Variants in TAOK3 observed in about 807,000 individuals in gnomAD.
The protein encoded by TAOK3 is TAO kinase 3.
A neutral mutation model predicts 120.4 loss-of-function variants in TAOK3; 40 were observed. That is an observed-to-expected ratio of 0.33 (90% CI 0.26 to 0.43). The LOEUF is 0.43. Among genes scored for constraint, TAOK3 ranks in the 20% least tolerant of loss-of-function variants. TAOK3 has a pLI of 1.00. For missense variants in TAOK3, 821 were observed against 1,112.1 expected, an observed-to-expected ratio of 0.74 and a Z score of 3.72; for synonymous variants, 355 against 387.5, an observed-to-expected ratio of 0.92 and a Z score of 0.99.
rs116122428 is a variant in TAOK3, at chr12:118,292,855, G to A, written c.-193-26096C>T. Reference sequence around the variant, plus strand: ...AGGAGTGTACCAATTCAAGACAAGGGAAGCCTAAGTATTTATTCCAAAATC... The same window carrying A: ...AGGAGTGTACCAATTCAAGACAAGGAAAGCCTAAGTATTTATTCCAAAATC... On this transcript the variant is annotated intron_variant, in intron 1 of 20. Coordinates refer to ENST00000392533, the MANE Select transcript of TAOK3 (RefSeq NM_016281.4). 6.8e-3 allele frequency among the ~76,000 whole-genome samples: 1,041 copies of A among 152,326 alleles called. 15 individuals carry two copies. Among genetic ancestry groups the A allele is most frequent in the African/African-American group, 0.024 (989 of 41,562 alleles).
intron 14 of TAOK3, among the ~76,000 whole-genome samples, chr12:118,182,623 A>ATATATATATATATATATATTTT (rs371125415): frequency 1.1e-5 from 1 of 92,416 alleles, no homozygotes; most frequent in Non-Finnish European, 2.0e-5. Flanking sequence ...ATATATATAT[A>ATATATATATATATATATATTTT]TTTTTTTTTT....
intron 3 of TAOK3, among the ~76,000 whole-genome samples, chr12:118,247,581 C>G (rs149048742): frequency 0.054 from 8,209 of 152,128 alleles, 456 homozygotes; most frequent in East Asian, 0.25. Context: ...GTGGTACAAT[C>G]TCAGCTCACT....
chr12:118,276,632 G>A (rs941367663), intron 1 of TAOK3, among the ~76,000 whole-genome samples: 1 of 152,164 alleles, frequency 6.6e-6, no homozygotes, highest in East Asian at 1.9e-4. Flanking sequence ...AACTGGGGGG[G>A]CGGAGCTTGC....
intron 1 of TAOK3, among the ~76,000 whole-genome samples, chr12:118,337,076 A>C (rs1187599158): frequency 6.6e-6 from 1 of 152,224 alleles, no homozygotes. Context: ...TAAAGAAAAA[A>C]GAAAATGGGC....
Position 118,177,226 on chromosome 12 carries a change from T to C in TAOK3, c.1670A>G (p.Lys557Arg). ...CTCTTTTATTTTTTCCTTACAAATC[T>C]TATACTGCTTCTTCTGACTTTCTAA... ...TFLESQKKQY[K>R]ICKEKIKEEM... The change falls in exon 16 of 21, where the codon AAG (lysine) becomes AGG (arginine). Residue 557 changes from lysine (K) to arginine (R), a missense_variant. By Grantham distance (26) the Lys-to-Arg change is conservative. Around this residue, in one of 2 missense-constraint regions of TAOK3, gnomAD observed 354 missense variants for 572.1 expected, o/e 0.62. Transcript: ENST00000392533. 6.2e-7 allele frequency: 1 copy of C among 1,613,898 alleles called. No individual in the cohort carries two copies. Among genetic ancestry groups the C allele is most frequent in the Non-Finnish European group, 8.5e-7 (1 of 1,179,870 alleles).
intron 12 of TAOK3, 109 bp downstream of exon 12, chr12:118,201,187 G>A: frequency 9.7e-7 from 1 of 1,026,984 alleles, no homozygotes; most frequent in Non-Finnish European, 1.4e-6. Flanking sequence ...TCTTAAGGCG[G>A]ACAGCATCAA....
chr12:118,339,961 T>C (rs2044546360), intron 1 of TAOK3, among the ~76,000 whole-genome samples: 1 of 152,210 alleles, frequency 6.6e-6, no homozygotes, highest in African/African-American at 2.4e-5. Flanking sequence ...TTGCATGTTG[T>C]CAAATTATTA....
chr12:118,197,808 C>T (rs2037807926), intron 13 of TAOK3, among the ~76,000 whole-genome samples: 1 of 151,666 alleles, frequency 6.6e-6, no homozygotes, highest in African/African-American at 2.4e-5. Context: ...CTGCCTCAGC[C>T]TCCCGAGTAG....
intron 16 of TAOK3, among the ~76,000 whole-genome samples, chr12:118,173,036 G>A (rs895285481): frequency 3.3e-5 from 5 of 152,182 alleles, no homozygotes; most frequent in South Asian, 2.1e-4. Flanking sequence ...TTAAAGAACC[G>A]CAGAAATGAA....
intron 9 of TAOK3, among the ~76,000 whole-genome samples, chr12:118,216,936 A>G (rs1438096888): frequency 3.4e-4 from 52 of 151,586 alleles, no homozygotes; most frequent in Admixed American, 3.2e-3. Flanking sequence ...CTCAAAAAAA[A>G]AAAAAAAAAA....
chr12:118,153,025 G>C (rs888536321), intron 19 of TAOK3, among the ~76,000 whole-genome samples: 4 of 152,134 alleles, frequency 2.6e-5, no homozygotes, highest in Non-Finnish European at 5.9e-5. Flanking sequence ...ATATACCACA[G>C]TACTGTTATG....
In TAOK3 at chr12:118,325,768, C is replaced by T. The variant is rs1471699623; in HGVS notation, c.-194+46880G>A. 2.6e-5 allele frequency among the ~76,000 whole-genome samples: 4 copies of T among 152,236 alleles called. No individual in the cohort carries two copies. In the East Asian group the frequency reaches 5.8e-4, roughly 22 times the overall value. ...GATCTCGGCTCACTGCAACGTCTGC[C>T]TCCCAGGTTCAAGCAATTCTCCTGC... On this transcript the variant is annotated intron_variant, in intron 1 of 20. Transcript: ENST00000392533.
At chr12:118,297,638 T>C (rs1443075071) in intron 1 of TAOK3, among the ~76,000 whole-genome samples, 1 of 152,228 alleles carries the variant, frequency 6.6e-6, no homozygotes. Context: ...CTCTCCTGTC[T>C]GTCCTATTCA....
At chr12:118,189,721 G>T in intron 14 of TAOK3, 86 bp downstream of exon 14, 1 of 1,506,870 alleles carries the variant, frequency 6.6e-7, no homozygotes, top group Non-Finnish European at 9.2e-7. Flanking sequence ...CATCCATGAA[G>T]CCGAGACAGG....
intron 9 of TAOK3, among the ~76,000 whole-genome samples, chr12:118,222,404 G>A (rs1358184377): frequency 1.3e-5 from 2 of 151,982 alleles, no homozygotes; most frequent in South Asian, 2.1e-4. Context: ...GTGGTGGCAC[G>A]TGCCTGTAGT....
chr12:118,356,763 C>G lies in TAOK3; in HGVS notation c.-194+15885G>C, dbSNP rs183343554. ...CTCCCTCTTTACAAAAAAAAAGAAA[C>G]TTTAAAAAATTAGCCAGGCATGGTG... On this transcript the variant is annotated intron_variant, in intron 1 of 20. Coordinates refer to ENST00000392533, the MANE Select transcript of TAOK3 (RefSeq NM_016281.4). Among the ~76,000 whole-genome samples, 4 of 150,156 alleles carry G rather than the reference C, an allele frequency of 2.7e-5. No individual in the cohort carries two copies. The East Asian group carries it at 5.9e-4, about 22-fold the overall frequency.
At chr12:118,297,713 G>C (rs1019611025) in intron 1 of TAOK3, among the ~76,000 whole-genome samples, 4 of 152,086 alleles carry the variant, frequency 2.6e-5, no homozygotes, top group African/African-American at 9.7e-5. Context: ...AAGAATAAAA[G>C]GAGATATCCA....
In TAOK3 at chr12:118,215,254, G is replaced by A. The variant is rs539206713; in HGVS notation, c.644-1144C>T. Among the ~76,000 whole-genome samples, 6 of 145,296 alleles carry A rather than the reference G, an allele frequency of 4.1e-5. No homozygotes were observed. The East Asian group carries it at 1.0e-3, about 25-fold the overall frequency. On this transcript the variant is annotated intron_variant, in intron 9 of 20. Transcript: ENST00000392533. ...CTCACGCCTGTAATCCCAGCACTTT[G>A]GGAGGCCGAGGCGGGTGGATCACGA...
At chr12:118,301,673 G>GT (rs2042884867) in intron 1 of TAOK3, among the ~76,000 whole-genome samples, 1 of 151,712 alleles carries the variant, frequency 6.6e-6, no homozygotes. Flanking sequence ...GAGAAACACC[G>GT]TCTCTACTAA....
Sources: gnomAD v4.1 joint callset for allele counts (sites outside exome capture counted in the v4.1 genomes callset) on GRCh38, gnomAD v4.1.1 for gene constraint, gnomAD v4.1.1 regional missense constraint, MANE v1.5 for transcripts, NCBI Gene and HGNC (gene_info 2026-07-23, HGNC 2026-07-21) for gene names.